The following SLC28A1 variants were observed in gnomAD, a reference collection of about 807,000 sequenced individuals.
SLC28A1 encodes the protein sodium/nucleoside cotransporter 1.
Under a neutral mutation model 74.8 loss-of-function variants are expected in SLC28A1, and 64 were observed. The observed-to-expected ratio is 0.86, with a 90% CI of 0.70 to 1.05. The LOEUF (loss-of-function observed/expected upper bound fraction) is 1.05. Ranked by LOEUF, SLC28A1 falls within the 50% of genes least tolerant of loss-of-function variation. The pLI is 0.00. For synonymous variants in SLC28A1, 359 were observed against 335.0 expected (o/e 1.07, Z -0.78); for missense variants, 828 against 822.8 (o/e 1.01, Z -0.08).
chr15:84,931,874 C>T (rs1971348252), intron 12 of SLC28A1, among the ~76,000 whole-genome samples: 1 of 151,684 alleles, frequency 6.6e-6, no homozygotes, highest in Admixed American at 6.6e-5. Context: ...TGGTGGTGCA[C>T]ACCTGTAACC....
the SLC28A1 span, among the ~76,000 whole-genome samples, chr15:84,971,291 C>T: frequency 6.6e-6 from 1 of 152,038 alleles, no homozygotes; most frequent in Non-Finnish European, 1.5e-5. Context: ...AATGTTTGTC[C>T]CCCTCAAACC....
intron 8 of SLC28A1, among the ~76,000 whole-genome samples, chr15:84,907,143 C>T (rs1251288990): frequency 1.3e-5 from 2 of 152,160 alleles, no homozygotes; most frequent in Admixed American, 6.5e-5. Flanking sequence ...GTCTCATTCT[C>T]CTGATTTTTT....
At chr15:84,927,625 G>T (rs1970664605) in intron 12 of SLC28A1, among the ~76,000 whole-genome samples, 1 of 152,156 alleles carries the variant, frequency 6.6e-6, no homozygotes, top group South Asian at 2.1e-4. Context: ...AAAGGCAGAG[G>T]GAAGTTAAAG....
chr15:84,926,270 C>G (rs555558644), intron 12 of SLC28A1, among the ~76,000 whole-genome samples: 12 of 152,026 alleles, frequency 7.9e-5, no homozygotes, highest in Admixed American at 3.3e-4. Context: ...GCAATTACAG[C>G]TCACCATAGC....
intron 15 of SLC28A1, 103 bp downstream of exon 15, chr15:84,935,621 C>T (rs1457031485): frequency 3.1e-6 from 3 of 977,846 alleles, no homozygotes; most frequent in Non-Finnish European, 4.8e-6. Context: ...CTGGCTGAGA[C>T]ACACTGAAGT....
chr15:84,888,921 G>A, intron 4 of SLC28A1, 61 bp downstream of exon 4: 1 of 1,197,166 alleles, frequency 8.4e-7, no homozygotes, highest in South Asian at 1.3e-5. Context: ...GGAACAGGAT[G>A]GGGAGCCGGG....
intron 9 of SLC28A1, among the ~76,000 whole-genome samples, chr15:84,915,431 C>G (rs974849794): frequency 2.0e-5 from 3 of 152,196 alleles, no homozygotes; most frequent in Non-Finnish European, 4.4e-5. Context: ...TTTGGTTGCT[C>G]AAGACTCTCC....
In SLC28A1 at chr15:84,917,654, C is replaced by T. The variant is rs2141890518; in HGVS notation, c.796-870C>T. 2.0e-5 allele frequency among the ~76,000 whole-genome samples: 3 copies of T among 152,228 alleles called. No individual in the cohort carries two copies. In the South Asian group the frequency reaches 6.2e-4, roughly 32 times the overall value. On this transcript the variant is annotated intron_variant, in intron 9 of 18. Transcript: ENST00000394573. ...CACCTTCTCTTTTTTCATTTAACAA[C>T]ATATCTTGGAAATCAGTCCACAGCT...
intron 9 of SLC28A1, among the ~76,000 whole-genome samples, chr15:84,913,372 G>A (rs189029001): frequency 1.1e-4 from 16 of 143,636 alleles, no homozygotes; most frequent in African/African-American, 3.8e-4. Flanking sequence ...TCCAGGGAGA[G>A]GAGGGGGCAG....
intron 9 of SLC28A1, among the ~76,000 whole-genome samples, chr15:84,912,832 AC>A (rs1567151104): frequency 3.3e-4 from 50 of 151,698 alleles, no homozygotes; most frequent in Non-Finnish European, 6.6e-4. Context: ...ACACACACAC[AC>A]ACACACACAC....
At chr15:84,913,897 G>A (rs1202984548) in intron 9 of SLC28A1, among the ~76,000 whole-genome samples, 1 of 152,192 alleles carries the variant, frequency 6.6e-6, no homozygotes, top group Non-Finnish European at 1.5e-5. Context: ...TTGGTCGTCT[G>A]TGTCCTCACA....
chr15:84,890,463 T>C lies in SLC28A1; in HGVS notation c.206T>C (p.Leu69Pro), dbSNP rs535804371. The C allele has an allele frequency of 3.1e-6, 5 of 1,609,830 alleles. No homozygotes were observed. Among genetic ancestry groups the C allele is most frequent in the Admixed American group, 3.3e-5 (2 of 59,872 alleles). The stretch of plus-strand genomic sequence containing the variant: ...CCCAGGAGGAACCTGCAGCCAGCCC[T>C]GAGAGCCAGAAGCTTCTGCAGGGAG... ...FSRWRNLQPA[L>P]RARSFCREHM... The change falls in exon 5 of 19, where the codon CTG (leucine) becomes CCG (proline). Residue 69 changes from leucine to proline, a missense_variant. By Grantham distance (98) the Leu-to-Pro change is moderately conservative. Transcript: ENST00000394573.
chr15:84,908,776 A>G lies in SLC28A1; in HGVS notation c.776A>G (p.Lys259Arg). The G allele has an allele frequency of 6.2e-7, 1 of 1,613,908 alleles. No individual in the cohort carries two copies. Among genetic ancestry groups the G allele is most frequent in the Non-Finnish European group, 8.5e-7 (1 of 1,179,986 alleles). ...SSFVFGEALVKDVFAFQVLPI... is the reference protein window; with the variant it reads ...SSFVFGEALVRDVFAFQVLPI... ...TTCGTGTTTGGGGAGGCGCTGGTCAAGGATGTCTTTGCCTTTCAGGTCAGC... is the reference window on the plus strand; with the variant it reads ...TTCGTGTTTGGGGAGGCGCTGGTCAGGGATGTCTTTGCCTTTCAGGTCAGC... Residue 259 changes from lysine to arginine, a missense_variant, in exon 9 of 19, where the codon AAG becomes AGG. Coordinates refer to ENST00000394573, the MANE Select transcript of SLC28A1 (RefSeq NM_004213.5).
intron 12 of SLC28A1, among the ~76,000 whole-genome samples, chr15:84,931,926 C>G (rs1389394459): frequency 3.3e-5 from 5 of 151,922 alleles, no homozygotes; most frequent in Non-Finnish European, 7.4e-5. Flanking sequence ...TGCTTAAACC[C>G]AGGAGGCGGA....
intron 6 of SLC28A1, among the ~76,000 whole-genome samples, chr15:84,896,416 A>G (rs1000574633): frequency 2.6e-5 from 4 of 152,396 alleles, no homozygotes; most frequent in African/African-American, 9.6e-5. Flanking sequence ...TCAGATGGCC[A>G]TAATCAATAA....
chr15:84,915,887 G>A (rs1186872361), intron 9 of SLC28A1, among the ~76,000 whole-genome samples: 2 of 152,068 alleles, frequency 1.3e-5, no homozygotes, highest in East Asian at 3.9e-4. Context: ...TTCTCACTCA[G>A]GGCTATTTCT....
chr15:84,946,085 C>CATATATATAT (rs1352839442), downstream of SLC28A1, among the ~76,000 whole-genome samples: 6 of 23,970 alleles, frequency 2.5e-4, no homozygotes, highest in East Asian at 7.1e-4. Flanking sequence ...TGTGTATGTT[C>CATATATATAT]ATATATATAT....
At chr15:84,912,132 G>A (rs529741695) in intron 9 of SLC28A1, among the ~76,000 whole-genome samples, 2 of 152,306 alleles carry the variant, frequency 1.3e-5, no homozygotes, top group South Asian at 2.1e-4. Flanking sequence ...ATGCTCTGTG[G>A]CCACAGAATT....
intron 7 of SLC28A1, among the ~76,000 whole-genome samples, chr15:84,904,763 C>CAATTCTGATGTGTACTA (rs11269538): frequency 1.3e-5 from 2 of 150,368 alleles, no homozygotes; most frequent in Non-Finnish European, 1.5e-5. Context: ...TCAGCAAGCA[C>CAATTCTGATGTGTACTA]AATTCTGATG....
Sources: gnomAD v4.1 joint callset for allele counts (sites outside exome capture counted in the v4.1 genomes callset) on GRCh38, gnomAD v4.1.1 for gene constraint, MANE v1.5 for transcripts, NCBI Gene and HGNC (gene_info 2026-07-23, HGNC 2026-07-21) for gene names.